The following NALCN variants were observed in gnomAD, a reference collection of about 807,000 sequenced individuals.
The protein encoded by NALCN is sodium leak channel NALCN.
NALCN carries 111 observed loss-of-function variants against 225.3 expected under a neutral mutation model. That is an observed-to-expected ratio of 0.49 (90% CI 0.42 to 0.58). NALCN has a LOEUF of 0.58. Among genes scored for constraint, NALCN ranks in the 20% least tolerant of loss-of-function variants. The pLI is 0.00. For synonymous variants in NALCN, 764 were observed against 769.0 expected, an observed-to-expected ratio of 0.99 and a Z score of 0.11; for missense variants, 1,378 against 2,202.4, an observed-to-expected ratio of 0.63 and a Z score of 7.49.
chr13:101,387,742 A>T (rs1284241893), intron 3 of NALCN, among the ~76,000 whole-genome samples: 1 of 152,194 alleles, frequency 6.6e-6, no homozygotes, highest in African/African-American at 2.4e-5. Flanking sequence ...AAACTTGAGT[A>T]ATATGAGAGG....
At position 101,176,306 on chromosome 13, in the gene NALCN, A is replaced by C; in HGVS notation, c.1833T>G (p.Leu611=). Residue 611 remains leucine, a synonymous_variant, in exon 15 of 44, where the codon CTT becomes CTG. Transcript: ENST00000251127. Reference sequence around the variant, plus strand: ...TCCCCCACACACTACTTACTTGTTTAAGCTTCTTTAGGTCTTCATCAAGTT... The same window carrying C: ...TCCCCCACACACTACTTACTTGTTTCAGCTTCTTTAGGTCTTCATCAAGTT... The part of the protein sequence containing the change: ...NLELDEDLKK[L]KQLKQSEANA... 2.5e-6 allele frequency: 4 copies of C among 1,582,118 alleles called. No individual in the cohort carries two copies. Among genetic ancestry groups the C allele is most frequent in the Non-Finnish European group, 3.4e-6 (4 of 1,168,272 alleles).
intron 3 of NALCN, among the ~76,000 whole-genome samples, chr13:101,382,144 G>A (rs1050232471): frequency 6.6e-6 from 1 of 152,058 alleles, no homozygotes; most frequent in African/African-American, 2.4e-5. Flanking sequence ...ATATGTAGCA[G>A]CACTACAATT....
At chr13:101,236,797 G>A (rs2041573110) in intron 12 of NALCN, among the ~76,000 whole-genome samples, 1 of 149,892 alleles carries the variant, frequency 6.7e-6, no homozygotes, top group African/African-American at 2.4e-5. Context: ...ATAGCTTTAG[G>A]AGATATACCT....
chr13:101,353,944 A>G (rs1232222128), intron 6 of NALCN, among the ~76,000 whole-genome samples: 2 of 152,222 alleles, frequency 1.3e-5, no homozygotes, highest in Non-Finnish European at 2.9e-5. Flanking sequence ...GACTCCCTCA[A>G]CTACTTTGCC....
At chr13:101,254,220 T>C (rs953555927) in intron 11 of NALCN, among the ~76,000 whole-genome samples, 3 of 151,520 alleles carry the variant, frequency 2.0e-5, no homozygotes, top group Admixed American at 1.3e-4. Flanking sequence ...CCATCTCTAC[T>C]AGAAATACAA....
At chr13:101,284,938 T>C (rs1175641463) in intron 9 of NALCN, among the ~76,000 whole-genome samples, 1 of 152,184 alleles carries the variant, frequency 6.6e-6, no homozygotes, top group Non-Finnish European at 1.5e-5. Flanking sequence ...TGTGTATGTG[T>C]GTATGGTAGG....
chr13:101,081,402 TAGGGAGGTCCATCTAACA>T, intron 34 of NALCN, 107 bp downstream of exon 34: 1 of 1,368,452 alleles, frequency 7.3e-7, no homozygotes, highest in Admixed American at 2.1e-5. Context: ...AGCTGGGCTT[TAGGGAGGTCCATCTAACA>T]CCTCAGAGCA....
At chr13:101,102,098 C>T (rs1199259751) in intron 26 of NALCN, among the ~76,000 whole-genome samples, 1 of 152,002 alleles carries the variant, frequency 6.6e-6, no homozygotes, top group African/African-American at 2.4e-5. Flanking sequence ...GCATGGGTAA[C>T]ATGGTGCAGC....
intron 15 of NALCN, among the ~76,000 whole-genome samples, chr13:101,170,127 A>C (rs2038644193): frequency 6.6e-6 from 1 of 152,228 alleles, no homozygotes; most frequent in African/African-American, 2.4e-5. Context: ...CCAGAGAAAC[A>C]GGACCAATAA....
At chr13:101,408,756 C>T (rs2047695345) in intron 1 of NALCN, among the ~76,000 whole-genome samples, 1 of 152,222 alleles carries the variant, frequency 6.6e-6, no homozygotes, top group Non-Finnish European at 1.5e-5. Context: ...TGTGTCTTGG[C>T]CCTCACTAAA....
chr13:101,129,068 G>T (rs1203331794), intron 17 of NALCN, among the ~76,000 whole-genome samples: 2 of 152,058 alleles, frequency 1.3e-5, no homozygotes. Flanking sequence ...TGATGTTACG[G>T]GTCTTGATGT....
intron 12 of NALCN, among the ~76,000 whole-genome samples, chr13:101,234,320 T>C (rs2041467426): frequency 6.6e-6 from 1 of 152,232 alleles, no homozygotes; most frequent in Non-Finnish European, 1.5e-5. Flanking sequence ...AGCTCAGAAA[T>C]ATCACTTGAA....
intron 7 of NALCN, among the ~76,000 whole-genome samples, chr13:101,300,670 C>T (rs1238591240): frequency 6.6e-6 from 1 of 152,180 alleles, no homozygotes; most frequent in East Asian, 1.9e-4. Flanking sequence ...AACATTGTGC[C>T]TGTAATAATA....
intron 11 of NALCN, among the ~76,000 whole-genome samples, chr13:101,251,892 C>T (rs911747811): frequency 1.3e-5 from 2 of 152,174 alleles, no homozygotes; most frequent in Admixed American, 6.5e-5. Context: ...TTCCCTCCGA[C>T]AAGACAACTT....
intron 15 of NALCN, among the ~76,000 whole-genome samples, chr13:101,154,622 C>A (rs943698910): frequency 1.3e-5 from 2 of 152,214 alleles, no homozygotes; most frequent in Non-Finnish European, 2.9e-5. Context: ...GCACAACTCT[C>A]TGTGGCCCTG....
chr13:101,332,929 C>A (rs2045238980), intron 7 of NALCN, among the ~76,000 whole-genome samples: 2 of 152,206 alleles, frequency 1.3e-5, no homozygotes, highest in Non-Finnish European at 2.9e-5. Flanking sequence ...GTAAGAACTA[C>A]TACAAGTTAA....
intron 3 of NALCN, among the ~76,000 whole-genome samples, chr13:101,385,749 T>G (rs1003279938): frequency 1.3e-5 from 2 of 152,180 alleles, no homozygotes; most frequent in African/African-American, 4.8e-5. Flanking sequence ...AAAGTTAGCC[T>G]TTCAAAAGAT....
chr13:101,174,912 G>A (rs2038895883), intron 15 of NALCN, among the ~76,000 whole-genome samples: 1 of 152,206 alleles, frequency 6.6e-6, no homozygotes, highest in Non-Finnish European at 1.5e-5. Context: ...TACCAGATTT[G>A]TAAAGCATGG....
Position 101,242,807 on chromosome 13 carries a change from A to G in NALCN, c.1267-4885T>C, listed in dbSNP as rs1265256593. On this transcript the variant is annotated intron_variant, in intron 11 of 43. Transcript: ENST00000251127. ...TATAAAATGCATTTTTAACACTGAC[A>G]GATGAACATGTTGTCTGTGTTCAGA... Among the ~76,000 whole-genome samples the G allele has an allele frequency of 1.9e-5, 2 of 106,690 alleles. 1 individual carries two copies. The highest frequency in any genetic ancestry group is 4.2e-5 in the Non-Finnish European group (2 of 47,620). The allele number at this position is 106,690 out of a possible 152,430, so 70.0% of individuals were successfully genotyped here.
Sources: allele counts gnomAD v4.1 joint callset (sites outside exome capture counted in the v4.1 genomes callset), GRCh38; gene constraint gnomAD v4.1.1; transcripts MANE v1.5; gene names NCBI Gene and HGNC (gene_info 2026-07-23, HGNC 2026-07-21).